Variants in SRRM2 observed in about 807,000 individuals in gnomAD.
The protein encoded by SRRM2 is serine/arginine repetitive matrix 2, also known as serine/arginine repetitive matrix protein 2.
Under a neutral mutation model 213.8 loss-of-function variants are expected in SRRM2, and 30 were observed. That is an observed-to-expected ratio of 0.14 (90% confidence interval 0.10 to 0.19). The LOEUF (loss-of-function observed/expected upper bound fraction) is 0.19. Among genes scored for constraint, SRRM2 ranks in the 10% least tolerant of loss-of-function variants. The probability of loss-of-function intolerance (pLI) is 1.00; values close to 1 mark genes in which losing one functional copy is unlikely to be tolerated. For synonymous variants in SRRM2, 2,025 were observed against 1,377.7 expected (o/e 1.47, Z -10.40); for missense variants, 4,904 against 3,647.0 (o/e 1.34, Z -8.88).
rs2068151182 is a variant in SRRM2, at chr16:2,756,626, G to T, written c.242+20G>T. The T allele has an allele frequency of 6.2e-7, 1 of 1,603,438 alleles. No individual in the cohort carries two copies. Among genetic ancestry groups the T allele is most frequent in the African/African-American group, 1.3e-5 (1 of 74,798 alleles). On this transcript the variant is annotated intron_variant, in intron 2 of 14. Coordinates refer to ENST00000301740, the MANE Select transcript of SRRM2 (RefSeq NM_016333.4). The stretch of plus-strand genomic sequence containing the variant: ...GCAGGGGTGAGGGAGAGCTGGGGGA[G>T]AGTCAAGCACTGAATGAGTGCAGAG...
Position 2,765,243 on chromosome 16 carries a change from C to T in SRRM2, c.4715C>T (p.Pro1572Leu), listed in dbSNP as rs1183143635. ...SPDSKAKTRT[P>L]LRQRSRSGSS... ...GATTCTAAAGCCAAGACAAGAACCC[C>T]ACTTCGGCAGAGGAGTCGGTCTGGA... The change falls in exon 11 of 15, where the codon CCA becomes CTA. Residue 1572 changes from proline (P) to leucine (L), a missense_variant. Transcript: ENST00000301740. The T allele has an allele frequency of 3.1e-6, 5 of 1,613,964 alleles. No homozygotes were observed. Among genetic ancestry groups the T allele is most frequent in the Non-Finnish European group, 4.2e-6 (5 of 1,179,954 alleles).
Position 2,759,163 on chromosome 16 carries a change from G to T in SRRM2, c.680G>T (p.Arg227Leu). The change falls in exon 7 of 15, where the codon CGT (arginine) becomes CTT (leucine). Residue 227 changes from arginine (R) to leucine (L), a missense_variant. By Grantham distance (102) the Arg-to-Leu change is moderately radical. Transcript: ENST00000301740. Reference sequence around the variant, plus strand: ...AGGTCAGAATCTGAGTCCAAGAAACGTAAGCATAGGTAAGAGCTCTTTAAC... The same window carrying T: ...AGGTCAGAATCTGAGTCCAAGAAACTTAAGCATAGGTAAGAGCTCTTTAAC... ...KHRSESESKK[R>L]KHRSPTPKSK... 6.2e-7 allele frequency: 1 copy of T among 1,614,106 alleles called. No homozygotes were observed. The highest frequency in any genetic ancestry group is 8.5e-7 in the Non-Finnish European group (1 of 1,180,016).
chr16:2,768,259 G>GAGGT lies in SRRM2; in HGVS notation c.7732_7733+2dup. Reference sequence around the variant, plus strand: ...CTGTGCAACCTGAGGTGGCACTGAAGAGGTGAGGGAGCTTGACTTTTAGAA... The same window carrying GAGGT: ...CTGTGCAACCTGAGGTGGCACTGAAGAGGTAGGTGAGGGAGCTTGACTTTTAGAA... On this transcript the variant is annotated frameshift_variant and splice_region_variant, in exon 11 of 15. Coordinates refer to ENST00000301740, the MANE Select transcript of SRRM2 (RefSeq NM_016333.4). LOFTEE classifies it high-confidence loss of function. 6.5e-7 allele frequency: 1 copy of GAGGT among 1,537,744 alleles called. No homozygotes were observed. Among genetic ancestry groups the GAGGT allele is most frequent in the Non-Finnish European group, 8.7e-7 (1 of 1,145,272 alleles).
intron 9 of SRRM2, 59 bp downstream of exon 9, chr16:2,759,720 A>G: frequency 1.3e-6 from 2 of 1,512,704 alleles, no homozygotes; most frequent in Non-Finnish European, 9.1e-7. Context: ...TTAATTTAAT[A>G]TTTATTGAGC....
intron 11 of SRRM2, 136 bp downstream of exon 11, chr16:2,768,397 G>C: frequency 1.0e-6 from 1 of 993,522 alleles, no homozygotes; most frequent in Non-Finnish European, 1.5e-6. Flanking sequence ...CAAGCTGGGG[G>C]TAGAAGAGAA....
At chr16:2,758,329 C>A in intron 4 of SRRM2, 141 bp from the exon 5 acceptor site, 1 of 774,294 alleles carries the variant, frequency 1.3e-6, no homozygotes, top group South Asian at 1.7e-5. Flanking sequence ...TGTGTTGCTG[C>A]CACTGCACCC....
Position 2,770,334 on chromosome 16 carries a change from T to A in SRRM2, c.8022-18T>A, listed in dbSNP as rs773027398. 1.9e-6 allele frequency: 3 copies of A among 1,565,236 alleles called. No individual in the cohort carries two copies. In the South Asian group the frequency reaches 3.5e-5, roughly 18 times the overall value. On this transcript the variant is annotated intron_variant, in intron 12 of 14. Coordinates refer to ENST00000301740, the MANE Select transcript of SRRM2 (RefSeq NM_016333.4). ...CTTGAAAGGGTGTGGTGCTATTGGGTCCTACTGTGTTCCCCAGGTCCCGCA... is the reference window on the plus strand; with the variant it reads ...CTTGAAAGGGTGTGGTGCTATTGGGACCTACTGTGTTCCCCAGGTCCCGCA...
intron 10 of SRRM2, among the ~76,000 whole-genome samples, chr16:2,761,178 T>C (rs2068332368): frequency 6.6e-6 from 1 of 152,260 alleles, no homozygotes; most frequent in Non-Finnish European, 1.5e-5. Flanking sequence ...CACATCTTTA[T>C]TCATGCTGTT....
rs143969746 is a variant in SRRM2, at chr16:2,761,982, G to A, written c.1454G>A (p.Arg485His). Residue 485 changes from arginine to histidine, a missense_variant, in exon 11 of 15, where the codon CGT (arginine) becomes CAT (histidine). Coordinates refer to ENST00000301740, the MANE Select transcript of SRRM2 (RefSeq NM_016333.4). ...HTPSRRMGRS[R>H]SPATAKRGRS... ...CCCTCCCGTAGGATGGGGAGGTCCC[G>A]TAGCCCTGCCACCGCTAAGAGAGGG... is the stretch of plus-strand genomic sequence containing the variant. 45 of 1,613,938 alleles carry A rather than the reference G, an allele frequency of 2.8e-5. No homozygotes were observed. The South Asian group carries it at 3.8e-4, about 14-fold the overall frequency.
Position 2,764,377 on chromosome 16 carries a change from T to C in SRRM2, c.3849T>C (p.Thr1283=), listed in dbSNP as rs936213434. The change falls in exon 11 of 15, where the codon ACT becomes ACC. Residue 1283 remains threonine (T), a synonymous_variant. Transcript: ENST00000301740. ...AAGAAAGGCCTGCTGTGTCTTTGAC[T>C]CTTGATCAGAGCCAGTCACAGGCTT... The part of the protein sequence containing the change: ...EVEERPAVSL[T]LDQSQSQASL... 6 of 1,613,994 alleles carry C rather than the reference T, an allele frequency of 3.7e-6. No individual in the cohort carries two copies. The highest frequency in any genetic ancestry group is 5.1e-6 in the Non-Finnish European group (6 of 1,180,030).
chr16:2,756,478 A>G lies in SRRM2; in HGVS notation c.114A>G (p.Gly38=), dbSNP rs1196693987. The change falls in exon 2 of 15, where the codon GGA becomes GGG. Residue 38 remains glycine (G), a synonymous_variant. Transcript: ENST00000301740. ...GGGGTGAGCGGCCTGACTACAAGGGAGAGGAGGAACTGCGGCGCCTGGAGG... is the reference window on the plus strand; with the variant it reads ...GGGGTGAGCGGCCTGACTACAAGGGGGAGGAGGAACTGCGGCGCCTGGAGG... ...GRRGERPDYK[G]EEELRRLEAA... is the part of the protein sequence containing the mutation. The G allele has an allele frequency of 1.2e-5, 20 of 1,613,634 alleles. No homozygotes were observed. The highest frequency in any genetic ancestry group is 1.6e-5 in the Non-Finnish European group (19 of 1,179,886).
chr16:2,753,854 T>G (rs2068038172), intron 1 of SRRM2, among the ~76,000 whole-genome samples: 1 of 152,232 alleles, frequency 6.6e-6, no homozygotes, highest in Non-Finnish European at 1.5e-5. Context: ...GGTGCTGAGC[T>G]GGCTGTGCTT....
chr16:2,770,543 G>T, intron 13 of SRRM2, 61 bp from the exon 14 acceptor site: 1 of 1,552,870 alleles, frequency 6.4e-7, no homozygotes, highest in Non-Finnish European at 8.7e-7. Flanking sequence ...CTTTGCGGTT[G>T]TGGCTATGTG....
chr16:2,765,061 C>G lies in SRRM2; in HGVS notation c.4533C>G (p.Thr1511=), dbSNP rs369383992. The change falls in exon 11 of 15, where the codon ACC becomes ACG. Residue 1511 remains threonine, a synonymous_variant. Transcript: ENST00000301740. ...CAGAGCTCAACAACAAGTGTCTTAC[C>G]CCCCAGAGAGAAAGAAGCGGGTCAG... is the stretch of plus-strand genomic sequence containing the variant. ...SSPELNNKCL[T]PQRERSGSES... is the part of the protein sequence containing the mutation. 2.5e-6 allele frequency: 4 copies of G among 1,613,918 alleles called. No homozygotes were observed. In the African/African-American group the frequency reaches 5.3e-5, roughly 22 times the overall value.
chr16:2,769,006 C>A lies in SRRM2; in HGVS notation c.7743C>A (p.Ser2581Arg). The A allele has an allele frequency of 6.2e-7, 1 of 1,613,454 alleles. No homozygotes were observed. Among genetic ancestry groups the A allele is most frequent in the Non-Finnish European group, 8.5e-7 (1 of 1,179,696 alleles). Reference protein sequence around the residue: ...QPEVALKRVPSPTPAPKEAVR... With the variant: ...QPEVALKRVPRPTPAPKEAVR... ...TCCTCTCCTCCCACAGGGTCCCCAG[C>A]CCCACCCCAGCCCCAAAGGAGGCTG... The change falls in exon 12 of 15, where the codon AGC becomes AGA. Residue 2581 changes from serine (S) to arginine (R), a missense_variant. By Grantham distance (110) the Ser-to-Arg change is moderately radical. Transcript: ENST00000301740.
chr16:2,770,677 G>GA lies in SRRM2; in HGVS notation c.8210dup (p.Thr2738AspfsTer3). On this transcript the variant is annotated frameshift_variant, in exon 14 of 15. Transcript: ENST00000301740. LOFTEE classifies it high-confidence loss of function. ...CTCCCCCAGCCACAAGCGCAGGAGG[G>GA]AGACACCTAGCCCTCGGCCCATGAG... is the stretch of plus-strand genomic sequence containing the variant. 1 of 1,555,988 alleles carries GA rather than the reference G, an allele frequency of 6.4e-7. No homozygotes were observed. Among genetic ancestry groups the GA allele is most frequent in the Non-Finnish European group, 8.7e-7 (1 of 1,149,026 alleles).
chr16:2,764,006 G>C lies in SRRM2; in HGVS notation c.3478G>C (p.Glu1160Gln). The change falls in exon 11 of 15, where the codon GAG becomes CAG. Residue 1160 changes from glutamate (E) to glutamine (Q), a missense_variant. Glu to Gln is a conservative substitution (Grantham distance 29). Transcript: ENST00000301740. ...SNSLLGQSRL[E>Q]TAESKEKMAL... The stretch of plus-strand genomic sequence containing the variant: ...TTCTCTCTTGGGGCAGAGTAGATTG[G>C]AGACTGCTGAATCAAAAGAGAAAAT... 1 of 1,614,174 alleles carries C rather than the reference G, an allele frequency of 6.2e-7. No individual in the cohort carries two copies. Among genetic ancestry groups the C allele is most frequent in the Non-Finnish European group, 8.5e-7 (1 of 1,180,024 alleles).
chr16:2,758,114 C>T (rs568974972), intron 4 of SRRM2, among the ~76,000 whole-genome samples, 169 bp downstream of exon 4: 12 of 152,290 alleles, frequency 7.9e-5, no homozygotes, highest in South Asian at 2.1e-4. Flanking sequence ...GTGGGTCACG[C>T]GCGTAATCCC....
At position 2,770,400 on chromosome 16, in the gene SRRM2, C is replaced by T. The variant is rs1207010625; in HGVS notation, c.8070C>T (p.Ser2690=). The T allele has an allele frequency of 1.2e-6, 2 of 1,610,242 alleles. No individual in the cohort carries two copies. Among genetic ancestry groups the T allele is most frequent in the South Asian group, 1.1e-5 (1 of 90,100 alleles). The change falls in exon 13 of 15, where the codon TCC becomes TCT. Residue 2690 remains serine, a synonymous_variant. Coordinates refer to ENST00000301740, the MANE Select transcript of SRRM2 (RefSeq NM_016333.4). ...TAGACTCCCTCAGGGACTCTCGGTC[C>T]CTCAGCTACTCGCCTGTGGAGCGTC... The part of the protein sequence containing the change: ...KPIDSLRDSR[S]LSYSPVERRR...
Sources: allele counts gnomAD v4.1 joint callset (sites outside exome capture counted in the v4.1 genomes callset), GRCh38; gene constraint gnomAD v4.1.1; transcripts MANE v1.5; gene names NCBI Gene and HGNC (gene_info 2026-07-23, HGNC 2026-07-21).